Variants in ST8SIA6 observed in about 807,000 individuals in gnomAD.
The protein encoded by ST8SIA6 is ST8 alpha-N-acetyl-neuraminide alpha-2,8-sialyltransferase 6.
Under a neutral mutation model 33.6 loss-of-function variants are expected in ST8SIA6, and 39 were observed. The observed-to-expected ratio is 1.16, with a 90% CI of 0.90 to 1.52. The LOEUF (loss-of-function observed/expected upper bound fraction) is 1.52, where lower values mean the gene tolerates loss of function less well. ST8SIA6 is among the 40% of genes most tolerant of loss of function. The probability of loss-of-function intolerance (pLI) is 0.00; values close to 1 mark genes in which losing one functional copy is unlikely to be tolerated. For missense variants in ST8SIA6, 441 were observed against 443.8 expected, an observed-to-expected ratio of 0.99 and a Z score of 0.06; for synonymous variants, 172 against 167.2, an observed-to-expected ratio of 1.03 and a Z score of -0.22.
intron 2 of ST8SIA6, chr10:17,409,204 T>C (rs1428512678): frequency 6.6e-6 from 1 of 152,494 alleles, no homozygotes; most frequent in East Asian, 1.9e-4. Flanking sequence ...TACTTAAATA[T>C]TTGAACCATA....
chr10:17,453,411 C>G, intron 2 of ST8SIA6, 148 bp downstream of exon 2: 23 of 500,480 alleles, frequency 4.6e-5, no homozygotes, highest in Non-Finnish European at 6.2e-6. Context: ...CCCAACCCCG[C>G]GCCCTCTTCA....
chr10:17,330,745 T>C (rs545588712), intron 5 of ST8SIA6, among the ~76,000 whole-genome samples: 2 of 152,330 alleles, frequency 1.3e-5, no homozygotes, highest in East Asian at 3.9e-4. Flanking sequence ...TGTATGTTTA[T>C]AAGCAATGAG....
At chr10:17,324,704 AGT>A (rs1491096984) in intron 6 of ST8SIA6, among the ~76,000 whole-genome samples, 1 of 92,134 alleles carries the variant, frequency 1.1e-5, no homozygotes, top group Non-Finnish European at 2.1e-5. Context: ...CTGAATATAG[AGT>A]ATACACACAC....
Position 17,320,776 on chromosome 10 carries a change from C to G in ST8SIA6, c.*102G>C, listed in dbSNP as rs188212862. The G allele has an allele frequency of 1.6e-6, 2 of 1,269,732 alleles. No individual in the cohort carries two copies. The highest frequency in any genetic ancestry group is 2.3e-5 in the Admixed American group (1 of 43,618). The allele number at this position is 1,269,732 out of a possible 1,614,324, so 78.7% of individuals were successfully genotyped here. On this transcript the variant is annotated 3_prime_UTR_variant, in exon 8 of 8. Transcript: ENST00000377602. Reference sequence around the variant, plus strand: ...GCTTTGGTCAAACCAAATTTTGGGGCTCATCTCAAAATACTCTTTAGCCAC... The same window carrying G: ...GCTTTGGTCAAACCAAATTTTGGGGGTCATCTCAAAATACTCTTTAGCCAC...
At chr10:17,331,946 C>G (rs537774074) in intron 4 of ST8SIA6, among the ~76,000 whole-genome samples, 3 of 152,286 alleles carry the variant, frequency 2.0e-5, no homozygotes, top group African/African-American at 7.2e-5. Flanking sequence ...CTCTCCCTCC[C>G]CTTGCCTCCA....
chr10:17,451,463 T>A (rs1000582241), intron 2 of ST8SIA6, among the ~76,000 whole-genome samples: 2 of 152,138 alleles, frequency 1.3e-5, no homozygotes, highest in Non-Finnish European at 2.9e-5. Context: ...ATCCATTGGG[T>A]ACAATGAGTA....
intron 3 of ST8SIA6, among the ~76,000 whole-genome samples, chr10:17,360,400 T>C (rs1192135096): frequency 6.8e-6 from 1 of 147,370 alleles, no homozygotes; most frequent in East Asian, 2.1e-4. Flanking sequence ...GAAACCAGAC[T>C]AATATCTAGA....
chr10:17,391,590 G>A (rs986006990), intron 2 of ST8SIA6, among the ~76,000 whole-genome samples: 1 of 152,072 alleles, frequency 6.6e-6, no homozygotes, highest in East Asian at 1.9e-4. Flanking sequence ...TGTTTTCTTC[G>A]GTAGAAAATA....
chr10:17,352,036 A>G (rs1849047075), intron 4 of ST8SIA6, among the ~76,000 whole-genome samples: 1 of 148,732 alleles, frequency 6.7e-6, no homozygotes, highest in Non-Finnish European at 1.5e-5. Context: ...CAGATTTTAA[A>G]TGTTCTCACT....
At chr10:17,334,231 A>C (rs2131589172) in intron 4 of ST8SIA6, among the ~76,000 whole-genome samples, 1 of 152,052 alleles carries the variant, frequency 6.6e-6, no homozygotes, top group South Asian at 2.1e-4. Flanking sequence ...ATTCATTGTA[A>C]TGATTTTATA....
intron 3 of ST8SIA6, among the ~76,000 whole-genome samples, chr10:17,362,067 T>G (rs900680335): frequency 2.0e-5 from 3 of 152,196 alleles, no homozygotes; most frequent in Admixed American, 6.5e-5. Context: ...AAAGACTGAA[T>G]GATGAATGCT....
At chr10:17,404,414 T>G (rs1851171936) in intron 2 of ST8SIA6, among the ~76,000 whole-genome samples, 1 of 152,098 alleles carries the variant, frequency 6.6e-6, no homozygotes, top group Non-Finnish European at 1.5e-5. Flanking sequence ...TTGTATCGAA[T>G]TCTGAGTCTA....
chr10:17,324,561 G>A (rs958832403), intron 6 of ST8SIA6, among the ~76,000 whole-genome samples: 11 of 151,654 alleles, frequency 7.3e-5, no homozygotes, highest in African/African-American at 2.7e-4. Context: ...CCATAGGGAA[G>A]GGTATTTTAT....
chr10:17,340,346 CT>C (rs147627828), intron 4 of ST8SIA6, among the ~76,000 whole-genome samples: 2,105 of 151,156 alleles, frequency 0.014, 24 homozygotes, highest in Non-Finnish European at 0.022. Flanking sequence ...TGAGTCACCC[CT>C]GGTCACCTGC....
Position 17,390,706 on chromosome 10 carries a change from A to T in ST8SIA6, c.201-86T>A, listed in dbSNP as rs1164917390. Reference sequence around the variant, plus strand: ...TTAACAAAAATCAGATTTAATTGATAAAGTGTGTCCAAATGAAGTCTCATC... The same window carrying T: ...TTAACAAAAATCAGATTTAATTGATTAAGTGTGTCCAAATGAAGTCTCATC... On this transcript the variant is annotated intron_variant, in intron 2 of 7. Transcript: ENST00000377602. 2.7e-6 allele frequency: 3 copies of T among 1,104,282 alleles called. No individual in the cohort carries two copies. The African/African-American group carries it at 4.7e-5, about 17-fold the overall frequency. 68.4% of individuals were successfully genotyped at this position (1,104,282 alleles called of 1,614,324 possible).
At chr10:17,439,482 G>C (rs901736682) in intron 2 of ST8SIA6, among the ~76,000 whole-genome samples, 1 of 152,312 alleles carries the variant, frequency 6.6e-6, no homozygotes, top group South Asian at 2.1e-4. Context: ...GTTTTGCCAT[G>C]CTGGCCAGGC....
At position 17,367,024 on chromosome 10, in the gene ST8SIA6, T is replaced by C. The variant is rs149200813; in HGVS notation, c.291-7424A>G. On this transcript the variant is annotated intron_variant, in intron 3 of 7. Coordinates refer to ENST00000377602, the MANE Select transcript of ST8SIA6 (RefSeq NM_001004470.3). The stretch of plus-strand genomic sequence containing the variant: ...AACAGCAATTTATTTATGATGTTAG[T>C]TCTCAGCATTATTTTGGGGTAACTG... Among the ~76,000 whole-genome samples the C allele has an allele frequency of 5.9e-5, 9 of 152,322 alleles. No individual in the cohort carries two copies. In the East Asian group the frequency reaches 1.7e-3, roughly 29 times the overall value.
chr10:17,443,879 C>G lies in ST8SIA6; in HGVS notation c.200+9680G>C, dbSNP rs556154119. 7.2e-5 allele frequency among the ~76,000 whole-genome samples: 11 copies of G among 152,272 alleles called. No homozygotes were observed. The South Asian group carries it at 2.3e-3, about 32-fold the overall frequency. On this transcript the variant is annotated intron_variant, in intron 2 of 7. Coordinates refer to ENST00000377602, the MANE Select transcript of ST8SIA6 (RefSeq NM_001004470.3). ...TTTTTAAAGGGCTTCTCTTTTTGCC[C>G]TGCAAATGAGAGATTACAGAACCCT...
chr10:17,407,423 T>C (rs1207052076), intron 2 of ST8SIA6, among the ~76,000 whole-genome samples: 4 of 152,196 alleles, frequency 2.6e-5, no homozygotes, highest in Middle Eastern at 3.2e-3. Flanking sequence ...TTTCTGACCA[T>C]GTGTCCTAAG....
Sources: gnomAD v4.1 joint callset for allele counts (sites outside exome capture counted in the v4.1 genomes callset) on GRCh38, gnomAD v4.1.1 for gene constraint, MANE v1.5 for transcripts, NCBI Gene and HGNC (gene_info 2026-07-23, HGNC 2026-07-21) for gene names.